SUPT3H: variants seen among roughly 807,000 people sequenced by gnomAD.
SUPT3H encodes the protein SPT3 homolog, SAGA and STAGA complex component.
A neutral mutation model predicts 44.3 loss-of-function variants in SUPT3H; 44 were observed. That is an observed-to-expected ratio of 0.99 (90% CI 0.78 to 1.28). SUPT3H has a LOEUF of 1.28. Ranked by LOEUF, SUPT3H falls within the 50% of genes most tolerant of loss-of-function variation. The pLI is 0.00. For missense variants in SUPT3H, 380 were observed against 387.1 expected (o/e 0.98, Z 0.15); for synonymous variants, 124 against 125.6 (o/e 0.99, Z 0.09).
chr6:45,132,357 C>G (rs1803602739), intron 2 of SUPT3H, among the ~76,000 whole-genome samples: 1 of 152,144 alleles, frequency 6.6e-6, no homozygotes, highest in Non-Finnish European at 1.5e-5. Flanking sequence ...GTTCCCTATT[C>G]CCTTTAAAAT....
At chr6:44,907,118 G>C (rs1220133397) in intron 10 of SUPT3H, among the ~76,000 whole-genome samples, 1 of 152,168 alleles carries the variant, frequency 6.6e-6, no homozygotes, top group East Asian at 1.9e-4. Context: ...AAAGAAATAT[G>C]AAGCCATAAC....
At chr6:44,869,317 C>T (rs1177886890) in intron 10 of SUPT3H, among the ~76,000 whole-genome samples, 1 of 152,056 alleles carries the variant, frequency 6.6e-6, no homozygotes, top group East Asian at 1.9e-4. Flanking sequence ...ACAAAAACAA[C>T]TCCTTGGGAG....
chr6:45,280,162 A>G (rs1455304162), intron 2 of SUPT3H, among the ~76,000 whole-genome samples: 1 of 152,182 alleles, frequency 6.6e-6, no homozygotes, highest in South Asian at 2.1e-4. Flanking sequence ...AATCAAAAAC[A>G]GGTTCCAAGA....
intron 3 of SUPT3H, among the ~76,000 whole-genome samples, chr6:45,024,766 G>A (rs1432696718): frequency 6.6e-6 from 1 of 152,210 alleles, no homozygotes; most frequent in Non-Finnish European, 1.5e-5. Context: ...AGTAGACTGA[G>A]TAGCAGACTG....
intron 6 of SUPT3H, among the ~76,000 whole-genome samples, chr6:44,981,383 T>C (rs1002744567): frequency 6.6e-6 from 1 of 152,164 alleles, no homozygotes; most frequent in South Asian, 2.1e-4. Flanking sequence ...ATAAAGCAAA[T>C]GACATTTAAG....
intron 2 of SUPT3H, among the ~76,000 whole-genome samples, chr6:45,193,742 T>C (rs1815529230): frequency 6.6e-6 from 1 of 151,930 alleles, no homozygotes; most frequent in African/African-American, 2.4e-5. Context: ...AAATAATGTA[T>C]TCTTGTTAGC....
chr6:44,822,863 A>G (rs555255851), downstream of SUPT3H, among the ~76,000 whole-genome samples: 21 of 152,252 alleles, frequency 1.4e-4, 1 homozygote, highest in African/African-American at 5.1e-4. Context: ...CACACCTGTA[A>G]TTCCAGCACT....
intron 2 of SUPT3H, among the ~76,000 whole-genome samples, chr6:45,123,673 G>GTAA (rs1466704542): frequency 1.3e-5 from 2 of 152,086 alleles, no homozygotes; most frequent in Non-Finnish European, 2.9e-5. Context: ...AACTATAGGT[G>GTAA]TAATCCAAGG....
rs554062019 is a variant in SUPT3H at position 45,109,295 on chromosome 6, A to G, written c.102-3289T>C. ...TATATGCATTATTTAATTCGTTGGA[A>G]TACTTGAATAAGGTTTTCCTTCCAT... On this transcript the variant is annotated intron_variant, in intron 2 of 10. Coordinates refer to ENST00000371459, the MANE Select transcript of SUPT3H (RefSeq NM_003599.4). 3.3e-5 allele frequency among the ~76,000 whole-genome samples: 5 copies of G among 152,292 alleles called. No homozygotes were observed. In the South Asian group the frequency reaches 1.0e-3, roughly 32 times the overall value.
chr6:45,041,796 T>C (rs930403490), intron 3 of SUPT3H, among the ~76,000 whole-genome samples: 8 of 152,320 alleles, frequency 5.3e-5, no homozygotes, highest in Admixed American at 1.3e-4. Context: ...TAAAGATATC[T>C]GTATATTCTC....
At chr6:44,841,651 C>T (rs1166578775) in intron 10 of SUPT3H, among the ~76,000 whole-genome samples, 1 of 152,194 alleles carries the variant, frequency 6.6e-6, no homozygotes, top group East Asian at 1.9e-4. Context: ...ATGGTATCTA[C>T]ATACCACTGA....
intron 10 of SUPT3H, among the ~76,000 whole-genome samples, chr6:44,832,174 A>G (rs632577): frequency 0.99 from 150,966 of 152,270 alleles, 74,860 homozygotes; most frequent in East Asian, 1. Flanking sequence ...GCTTTCCAGA[A>G]TAAGCAACTT....
At chr6:45,280,509 A>G (rs1584660929) in intron 2 of SUPT3H, among the ~76,000 whole-genome samples, 2 of 152,270 alleles carry the variant, frequency 1.3e-5, no homozygotes, top group Admixed American at 1.3e-4. Flanking sequence ...AAACAACAAA[A>G]AAAACCTCTT....
At chr6:45,241,930 G>T (rs1177046077) in intron 2 of SUPT3H, among the ~76,000 whole-genome samples, 2 of 152,186 alleles carry the variant, frequency 1.3e-5, no homozygotes, top group African/African-American at 4.8e-5. Flanking sequence ...AAAGCAAATT[G>T]CTAGTCATGA....
intron 9 of SUPT3H, among the ~76,000 whole-genome samples, chr6:44,936,192 G>C (rs533087308): frequency 3.9e-5 from 6 of 152,258 alleles, no homozygotes; most frequent in Non-Finnish European, 8.8e-5. Context: ...CTCCTCCAAA[G>C]TTTCATCCTT....
At position 45,095,738 on chromosome 6, in the gene SUPT3H, T is replaced by A. The variant is rs182582885; in HGVS notation, c.186+10184A>T. Reference sequence around the variant, plus strand: ...AGAAATGAAAGCAGCTATATAGCCATCTGAAATCATTACTTTTTGAACTTG... The same window carrying A: ...AGAAATGAAAGCAGCTATATAGCCAACTGAAATCATTACTTTTTGAACTTG... On this transcript the variant is annotated intron_variant, in intron 3 of 10. Transcript: ENST00000371459. This position sits in a 1 kb window ranked among gnomAD's most constrained non-coding sequence, Gnocchi z 4.1. Among the ~76,000 whole-genome samples the A allele has an allele frequency of 5.8e-4, 88 of 152,284 alleles. 1 individual carries two copies. Among genetic ancestry groups the A allele is most frequent in the Admixed American group, 5.0e-3 (77 of 15,300 alleles).
intron 2 of SUPT3H, among the ~76,000 whole-genome samples, chr6:45,313,799 A>G (rs993090915): frequency 8.6e-5 from 13 of 151,928 alleles, no homozygotes; most frequent in African/African-American, 3.1e-4. Flanking sequence ...CTATGAAGCC[A>G]GCGTCACCCT....
intron 11 of SUPT3H, among the ~76,000 whole-genome samples, chr6:44,820,784 G>A (rs1039412227): frequency 3.3e-5 from 5 of 152,240 alleles, no homozygotes; most frequent in Admixed American, 6.5e-5. Flanking sequence ...AAAGGGATAT[G>A]ATGTGCTAGA....
intron 2 of SUPT3H, among the ~76,000 whole-genome samples, chr6:45,319,052 A>G (rs1785105528): frequency 6.6e-6 from 1 of 152,134 alleles, no homozygotes; most frequent in Non-Finnish European, 1.5e-5. Flanking sequence ...AAATTCCTAC[A>G]CTGATATCTT....
Sources: gnomAD v4.1 joint callset for allele counts (sites outside exome capture counted in the v4.1 genomes callset) on GRCh38, gnomAD v4.1.1 for gene constraint, Gnocchi (gnomAD v3.1) non-coding constraint, MANE v1.5 for transcripts, NCBI Gene and HGNC (gene_info 2026-07-23, HGNC 2026-07-21) for gene names.